Variants in HEPH observed in about 807,000 individuals in gnomAD.
The protein encoded by HEPH is hephaestin.
HEPH carries 69 observed loss-of-function variants against 80.8 expected under a neutral mutation model. The observed-to-expected ratio is 0.85, with a 90% confidence interval of 0.70 to 1.04. The LOEUF (loss-of-function observed/expected upper bound fraction) is 1.04, where lower values mean the gene tolerates loss of function less well. Among genes scored for constraint, HEPH ranks in the 50% least tolerant of loss-of-function variants. The pLI, the probability that HEPH is intolerant of heterozygous loss-of-function variation, is 0.00. For synonymous variants in HEPH, 431 were observed against 322.8 expected (o/e 1.34, Z -3.60); for missense variants, 1,115 against 891.3 (o/e 1.25, Z -3.20).
chrX:66,225,314 C>G (rs1387558820), intron 15 of HEPH, among the ~76,000 whole-genome samples: 4 of 111,906 alleles, frequency 3.6e-5, no homozygotes, highest in African/African-American at 1.3e-4. Flanking sequence ...CAAAACACCA[C>G]GCTTACATCA....
At chrX:66,242,611 G>T (rs2090642350) in intron 15 of HEPH, among the ~76,000 whole-genome samples, 1 of 111,632 alleles carries the variant, frequency 9.0e-6, no homozygotes, top group South Asian at 3.7e-4. Context: ...TTCAAACTAT[G>T]CATCCAACAA....
chrX:66,214,438 G>T (rs1010485762), intron 15 of HEPH, among the ~76,000 whole-genome samples: 14 of 111,155 alleles, frequency 1.3e-4, no homozygotes. Context: ...ATCTTTTCCC[G>T]ATTTGTCATC....
At position 66,199,039 on chromosome X, in the gene HEPH, T is replaced by A. The variant is rs1400496975; in HGVS notation, c.1864+11T>A. On this transcript the variant is annotated intron_variant, in intron 11 of 20. Coordinates refer to ENST00000343002, the MANE Select transcript of HEPH (RefSeq NM_001367233.3). The stretch of plus-strand genomic sequence containing the variant: ...CCAATCGGATGCATGGTATGGGGAG[T>A]ACTTTTGCCCTGGGCTAAATTGAGG... The A allele has an allele frequency of 2.5e-6, 3 of 1,202,903 alleles. No homozygotes were observed. In the South Asian group the frequency reaches 5.3e-5, roughly 21 times the overall value.
chrX:66,248,460 T>C (rs1454231538), intron 15 of HEPH, among the ~76,000 whole-genome samples: 3 of 111,712 alleles, frequency 2.7e-5, no homozygotes, highest in Non-Finnish European at 5.7e-5. Context: ...TAATGTAGCT[T>C]TTATTTTACT....
intron 15 of HEPH, among the ~76,000 whole-genome samples, chrX:66,220,769 A>T (rs1160781448): frequency 9.0e-6 from 1 of 111,103 alleles, no homozygotes; most frequent in East Asian, 2.8e-4. Flanking sequence ...CATATCATTT[A>T]TGAGCCCCCA....
chrX:66,173,871 C>T, intron 4 of HEPH, 70 bp downstream of exon 4: 1 of 767,604 alleles, frequency 1.3e-6, no homozygotes, highest in Non-Finnish European at 1.9e-6. Context: ...TATGGTTGAA[C>T]CACCTACATA....
chrX:66,189,175 A>G (rs1438476779), intron 5 of HEPH, among the ~76,000 whole-genome samples: 1 of 112,362 alleles, frequency 8.9e-6, no homozygotes, highest in Non-Finnish European at 1.9e-5. Context: ...GCTAAAAACC[A>G]TACAGTCCCC....
chrX:66,191,150 A>T (rs1265443869), intron 6 of HEPH, among the ~76,000 whole-genome samples: 1 of 111,895 alleles, frequency 8.9e-6, no homozygotes, highest in Non-Finnish European at 1.9e-5. Context: ...TGTAGTTGAA[A>T]GATGAGAGTT....
intron 15 of HEPH, among the ~76,000 whole-genome samples, chrX:66,228,193 C>T (rs1158089902): frequency 5.4e-5 from 6 of 111,768 alleles, no homozygotes; most frequent in African/African-American, 2.0e-4. Flanking sequence ...GGGGTTTCCT[C>T]TTATAAAACC....
intron 7 of HEPH, 79 bp downstream of exon 7, chrX:66,192,377 C>A (rs903892431): frequency 2.0e-6 from 2 of 999,683 alleles, no homozygotes; most frequent in Admixed American, 2.7e-5. Flanking sequence ...TTCCAGAAAT[C>A]TCTCACTTTA....
intron 15 of HEPH, among the ~76,000 whole-genome samples, chrX:66,250,367 T>C (rs967400943): frequency 8.9e-5 from 10 of 111,845 alleles, no homozygotes; most frequent in Admixed American, 6.7e-4. Context: ...TATCCGGTGA[T>C]TAATACCTCT....
At position 66,198,945 on chromosome X, in the gene HEPH, A is replaced by G. The variant is rs1430579733; in HGVS notation, c.1781A>G (p.Asn594Ser). The change falls in exon 11 of 21, where the codon AAT becomes AGT. Residue 594 changes from asparagine to serine, a missense_variant. Physicochemically the swap from Asn to Ser is conservative, Grantham distance 46. Around this residue, in one of 3 missense-constraint regions of HEPH, gnomAD observed 716 missense variants for 523.5 expected, o/e 1.37. Transcript: ENST00000343002. ...VLDENKSWYS[N>S]ANQAAAMLDF... ...GATGAGAACAAGAGCTGGTACAGCAATGCCAATCAAGCAGCTGCTATGTTG... is the reference window on the plus strand; with the variant it reads ...GATGAGAACAAGAGCTGGTACAGCAGTGCCAATCAAGCAGCTGCTATGTTG... The G allele has an allele frequency of 2.5e-6, 3 of 1,205,976 alleles. No homozygotes were observed. Among genetic ancestry groups the G allele is most frequent in the Non-Finnish European group, 3.4e-6 (3 of 890,074 alleles).
At chrX:66,200,962 A>T (rs922204755) in intron 12 of HEPH, among the ~76,000 whole-genome samples, 2 of 111,757 alleles carry the variant, frequency 1.8e-5, no homozygotes, top group East Asian at 5.6e-4. Context: ...AATAGTTAGT[A>T]GAAGGTGGAG....
At chrX:66,259,065 C>T in intron 18 of HEPH, 86 bp downstream of exon 18, 4 of 950,366 alleles carry the variant, frequency 4.2e-6, no homozygotes, top group Non-Finnish European at 5.5e-6. Flanking sequence ...CAGTGTGGAA[C>T]AGGTAACAAT....
chrX:66,192,373 A>G lies in HEPH; in HGVS notation c.1232+75A>G, dbSNP rs1487177122. The G allele has an allele frequency of 1.8e-5, 18 of 1,007,013 alleles. 1 individual carries two copies. The highest frequency in any genetic ancestry group is 2.6e-5 in the Admixed American group (1 of 38,280). 83.0% of individuals were successfully genotyped at this position (1,007,013 alleles called of 1,213,427 possible). On this transcript the variant is annotated intron_variant, in intron 7 of 20. Transcript: ENST00000343002. ...CAAACATTTATTATCTTTCTTCCAG[A>G]AATCTCTCACTTTACTCAGGGATCC...
intron 4 of HEPH, among the ~76,000 whole-genome samples, chrX:66,187,575 C>T (rs927858433): frequency 3.6e-5 from 4 of 111,921 alleles, no homozygotes; most frequent in African/African-American, 1.3e-4. Context: ...TGGAGGTTGT[C>T]TGCACAGAGT....
intron 15 of HEPH, among the ~76,000 whole-genome samples, chrX:66,220,716 G>T (rs928581915): frequency 9.0e-6 from 1 of 111,231 alleles, no homozygotes; most frequent in Admixed American, 9.5e-5. Flanking sequence ...AAGGTGACTT[G>T]TTTGGGCACC....
At chrX:66,191,645 T>C (rs2087796662) in intron 6 of HEPH, among the ~76,000 whole-genome samples, 1 of 112,282 alleles carries the variant, frequency 8.9e-6, no homozygotes, top group South Asian at 3.7e-4. Flanking sequence ...TAGAAGATGT[T>C]CTATTATTTT....
At chrX:66,191,547 C>T (rs1039558653) in intron 6 of HEPH, among the ~76,000 whole-genome samples, 28 of 112,024 alleles carry the variant, frequency 2.5e-4, no homozygotes, top group African/African-American at 8.8e-4. Context: ...GCCATTGTGA[C>T]GCAATGTAGT....
Sources: gnomAD v4.1 joint callset for allele counts (sites outside exome capture counted in the v4.1 genomes callset) on GRCh38, gnomAD v4.1.1 for gene constraint, gnomAD v4.1.1 regional missense constraint, MANE v1.5 for transcripts, NCBI Gene and HGNC (gene_info 2026-07-23, HGNC 2026-07-21) for gene names.